The following MTMR3 variants were observed in gnomAD, a reference collection of about 807,000 sequenced individuals.
The protein encoded by MTMR3 is phosphatidylinositol-3,5-bisphosphate 3-phosphatase MTMR3.
A neutral mutation model predicts 132.4 loss-of-function variants in MTMR3; 32 were observed. The ratio of observed to expected loss-of-function variants is 0.24; its 90% CI spans 0.18 to 0.32. The LOEUF (loss-of-function observed/expected upper bound fraction) is 0.32, where lower values mean the gene tolerates loss of function less well. Ranked by LOEUF, MTMR3 falls within the 10% of genes least tolerant of loss-of-function variation. MTMR3 has a pLI of 1.00. For synonymous variants in MTMR3, 556 were observed against 550.3 expected, an observed-to-expected ratio of 1.01 and a Z score of -0.14; for missense variants, 1,216 against 1,489.6, an observed-to-expected ratio of 0.82 and a Z score of 3.02.
intron 12 of MTMR3, chr22:30,009,994 G>C (rs41158): frequency 9.9e-5 from 15 of 151,934 alleles, no homozygotes; most frequent in African/African-American, 3.4e-4. Context: ...TTGACTGCCA[G>C]TAGCAAATGA....
At position 30,020,524 on chromosome 22, in the gene MTMR3, T is replaced by G; in HGVS notation, c.2865T>G (p.Asn955Lys). The G allele has an allele frequency of 6.2e-7, 1 of 1,614,134 alleles. No individual in the cohort carries two copies. Among genetic ancestry groups the G allele is most frequent in the Non-Finnish European group, 8.5e-7 (1 of 1,180,012 alleles). ...LSTLQMYPTP[N>K]GHCANGEAGR... ...CCCTCCAGATGTACCCCACACCCAA[T>G]GGGCATTGCGCCAATGGGGAGGCTG... Residue 955 changes from asparagine to lysine, a missense_variant, in exon 17 of 20, where the codon AAT becomes AAG. By Grantham distance (94) the Asn-to-Lys change is moderately conservative. Transcript: ENST00000401950.
At chr22:29,974,623 G>T (rs1014714953) in intron 3 of MTMR3, among the ~76,000 whole-genome samples, 9 of 152,162 alleles carry the variant, frequency 5.9e-5, no homozygotes, top group Admixed American at 2.0e-4. Context: ...TAGCACCCTG[G>T]TGAGTGTGCC....
At chr22:29,951,317 T>G (rs893690421) in intron 1 of MTMR3, among the ~76,000 whole-genome samples, 3 of 152,198 alleles carry the variant, frequency 2.0e-5, no homozygotes, top group African/African-American at 7.2e-5. Flanking sequence ...ATATTATATA[T>G]GGCTGATATT....
chr22:29,928,673 ATTTT>A (rs559217140), intron 1 of MTMR3, among the ~76,000 whole-genome samples: 28 of 149,500 alleles, frequency 1.9e-4, no homozygotes, highest in African/African-American at 6.7e-4. Flanking sequence ...TTTAAAAAAA[ATTTT>A]TTTTTAAGTT....
intron 1 of MTMR3, among the ~76,000 whole-genome samples, chr22:29,910,186 C>T (rs2065183213): frequency 6.6e-6 from 1 of 151,894 alleles, no homozygotes. Flanking sequence ...GAAAGTGGGC[C>T]CTTTTCTGTG....
chr22:29,979,071 T>C lies in MTMR3; in HGVS notation c.210+19T>C, dbSNP rs2145885923. 1 of 1,370,342 alleles carries C rather than the reference T, an allele frequency of 7.3e-7. No homozygotes were observed. Among genetic ancestry groups the C allele is most frequent in the East Asian group, 2.3e-5 (1 of 43,592 alleles). 84.9% of individuals were successfully genotyped at this position (1,370,342 alleles called of 1,614,324 possible). ...TGTTAATGTAAGTGATTACCAGCTGTTCTCCCTCTAAGGTAAATGGAGAAA... is the reference window on the plus strand; with the variant it reads ...TGTTAATGTAAGTGATTACCAGCTGCTCTCCCTCTAAGGTAAATGGAGAAA... On this transcript the variant is annotated intron_variant, in intron 5 of 19. Coordinates refer to ENST00000401950, the MANE Select transcript of MTMR3 (RefSeq NM_021090.4).
intron 5 of MTMR3, chr22:29,981,297 T>G (rs2066738033): frequency 6.6e-6 from 1 of 152,218 alleles, no homozygotes; most frequent in Non-Finnish European, 1.5e-5. Context: ...CCCCCTTTGG[T>G]GTTTAAAGCT....
chr22:30,013,708 AAG>A (rs1444119984), intron 14 of MTMR3, 167 bp downstream of exon 14: 1 of 675,830 alleles, frequency 1.5e-6, no homozygotes, highest in East Asian at 3.2e-5. Flanking sequence ...TATTTTCAAA[AAG>A]AGAAAATCCA....
chr22:29,895,100 C>T (rs2064868745), intron 1 of MTMR3, among the ~76,000 whole-genome samples: 1 of 152,048 alleles, frequency 6.6e-6, no homozygotes, highest in Admixed American at 6.5e-5. Context: ...CCCAGCTACT[C>T]AGGAGGCTGA....
intron 12 of MTMR3, 128 bp from the exon 13 acceptor site, chr22:30,012,240 T>A: frequency 1.1e-6 from 1 of 925,334 alleles, no homozygotes; most frequent in Non-Finnish European, 1.6e-6. Flanking sequence ...ACAGATTTTT[T>A]TGTTTTGGCA....
intron 12 of MTMR3, chr22:30,010,541 A>AT (rs1233896783): frequency 1.3e-5 from 2 of 152,176 alleles, no homozygotes; most frequent in East Asian, 3.8e-4. Flanking sequence ...GGATAGGGGA[A>AT]TGGTAGGCTT....
At chr22:29,919,126 A>T (rs1435008008) in intron 1 of MTMR3, among the ~76,000 whole-genome samples, 3 of 152,212 alleles carry the variant, frequency 2.0e-5, no homozygotes, top group African/African-American at 7.2e-5. Flanking sequence ...TTTTCGGAAA[A>T]TATATGACTG....
chr22:29,966,232 A>G (rs924276801), intron 2 of MTMR3, among the ~76,000 whole-genome samples: 1 of 152,140 alleles, frequency 6.6e-6, no homozygotes, highest in Non-Finnish European at 1.5e-5. Context: ...CACACACAAA[A>G]ACCTATAACC....
At chr22:29,911,931 C>T (rs1035078625) in intron 1 of MTMR3, among the ~76,000 whole-genome samples, 38 of 152,146 alleles carry the variant, frequency 2.5e-4, no homozygotes, top group African/African-American at 8.9e-4. Flanking sequence ...GATATAAAGT[C>T]AGTACTTTTC....
At chr22:30,014,315 T>G (rs1289412807) in intron 14 of MTMR3, 1 of 152,236 alleles carries the variant, frequency 6.6e-6, no homozygotes, top group Non-Finnish European at 1.5e-5. Context: ...GTTCTCAGTC[T>G]TCATCTCTTT....
chr22:29,987,081 T>C (rs2066874393), intron 5 of MTMR3: 1 of 152,120 alleles, frequency 6.6e-6, no homozygotes, highest in Admixed American at 6.5e-5. Context: ...TCCTATTACA[T>C]TTGTAAGGGA....
At chr22:30,005,017 G>A (rs2067246963) in intron 9 of MTMR3, 1 of 152,218 alleles carries the variant, frequency 6.6e-6, no homozygotes, top group African/African-American at 2.4e-5. Flanking sequence ...GCAAGATGAT[G>A]TAAAGGGCAC....
At chr22:30,010,599 G>A (rs981656888) in intron 12 of MTMR3, 1 of 152,202 alleles carries the variant, frequency 6.6e-6, no homozygotes, top group Admixed American at 6.5e-5. Flanking sequence ...TCTCTCAGCA[G>A]CCCCTCCTTG....
chr22:29,974,712 A>G (rs1034898542), intron 3 of MTMR3, among the ~76,000 whole-genome samples: 1 of 152,222 alleles, frequency 6.6e-6, no homozygotes, highest in African/African-American at 2.4e-5. Flanking sequence ...GCTAAAAGTC[A>G]GCAGAAAACT....
Sources: gnomAD v4.1 joint callset for allele counts (sites outside exome capture counted in the v4.1 genomes callset) on GRCh38, gnomAD v4.1.1 for gene constraint, MANE v1.5 for transcripts, NCBI Gene and HGNC (gene_info 2026-07-23, HGNC 2026-07-21) for gene names.